Variants in CELF2 observed in about 807,000 individuals in gnomAD.
The protein encoded by CELF2 is CUGBP Elav-like family member 2, also known as CUG triplet repeat RNA-binding protein 2.
Under a neutral mutation model 62.6 loss-of-function variants are expected in CELF2, and 8 were observed. The observed-to-expected ratio is 0.13, with a 90% CI of 0.07 to 0.23. The LOEUF is 0.23. Ranked by LOEUF, CELF2 falls within the 10% of genes least tolerant of loss-of-function variation. The pLI, the probability that CELF2 is intolerant of heterozygous loss-of-function variation, is 1.00. For missense variants in CELF2, 333 were observed against 671.0 expected (o/e 0.50, Z 5.56); for synonymous variants, 258 against 250.0 (o/e 1.03, Z -0.30).
At chr10:10,885,879 C>T (rs1307659380) in intron 1 of CELF2, among the ~76,000 whole-genome samples, 6 of 152,146 alleles carry the variant, frequency 3.9e-5, no homozygotes, top group Admixed American at 2.0e-4. Flanking sequence ...CTCCTATGAC[C>T]CTCATTCTCC....
At chr10:10,813,019 C>T (rs1231358151) in intron 1 of CELF2, among the ~76,000 whole-genome samples, 25 of 152,196 alleles carry the variant, frequency 1.6e-4, no homozygotes, top group Admixed American at 1.6e-3. Context: ...CATCGGATCC[C>T]GAATCCCACC....
chr10:10,588,897 TC>T, the CELF2 span, among the ~76,000 whole-genome samples: 1 of 152,184 alleles, frequency 6.6e-6, no homozygotes, highest in South Asian at 2.1e-4. Context: ...GTTTAAACTC[TC>T]CTTGATGTTT....
At position 11,270,775 on chromosome 10, in the gene CELF2, C is replaced by G. The variant is rs1326922848; in HGVS notation, c.728C>G (p.Thr243Ser). 1 of 1,543,646 alleles carries G rather than the reference C, an allele frequency of 6.5e-7. No homozygotes were observed. Among genetic ancestry groups the G allele is most frequent in the Non-Finnish European group, 8.8e-7 (1 of 1,139,968 alleles). Residue 243 changes from threonine to serine, a missense_variant, in exon 7 of 13, where the codon ACC becomes AGC. By Grantham distance (58) the Thr-to-Ser change is moderately conservative. Transcript: ENST00000633077. The surrounding 1 kb of genome is among the most constrained non-coding windows in gnomAD (Gnocchi z 5.8). ...CAGATGCAGCAGCTCAACACTGCCA[C>G]CTGGGGGAACCTGACAGGGCTGGGC... ...AQQMQQLNTA[T>S]WGNLTGLGGL...
At chr10:10,920,153 T>G (rs924937069) in intron 2 of CELF2, among the ~76,000 whole-genome samples, 1 of 152,256 alleles carries the variant, frequency 6.6e-6, no homozygotes, top group Non-Finnish European at 1.5e-5. Context: ...CCAAAAATTA[T>G]GCATGCGTCA....
chr10:10,815,808 G>A (rs2056404694), intron 1 of CELF2, among the ~76,000 whole-genome samples: 1 of 151,804 alleles, frequency 6.6e-6, no homozygotes, highest in South Asian at 2.1e-4. Flanking sequence ...GTTAGATGGG[G>A]AACAGAGCTA....
chr10:11,259,196 C>T lies in CELF2; in HGVS notation c.538+1324C>T, dbSNP rs2079707191. On this transcript the variant is annotated intron_variant, in intron 5 of 12. Coordinates refer to ENST00000633077, the MANE Select transcript of CELF2 (RefSeq NM_001326342.2). ...GAGGATGAAAGCACTCGTCTTCACC[C>T]TTCTCACTAGTTTGACCTGACTTCA... 2.0e-5 allele frequency among the ~76,000 whole-genome samples: 3 copies of T among 152,236 alleles called. No homozygotes were observed. In the South Asian group the frequency reaches 6.2e-4, roughly 31 times the overall value.
At chr10:11,232,163 C>A (rs1212524186) in intron 3 of CELF2, among the ~76,000 whole-genome samples, 1 of 151,780 alleles carries the variant, frequency 6.6e-6, no homozygotes, top group Non-Finnish European at 1.5e-5. Context: ...CCACAACAGG[C>A]CCCGGTGTGT....
the CELF2 span, among the ~76,000 whole-genome samples, chr10:10,718,842 C>G: frequency 6.6e-6 from 1 of 152,028 alleles, no homozygotes; most frequent in Non-Finnish European, 1.5e-5. Flanking sequence ...ATTCTCTATA[C>G]CAATTCCCCA....
chr10:10,947,193 C>T lies in CELF2; in HGVS notation c.89+27194C>T, dbSNP rs1481824378. 2 of 152,262 alleles carry T rather than the reference C, an allele frequency of 1.3e-5. No homozygotes were observed. Among genetic ancestry groups the T allele is most frequent in the African/African-American group, 2.4e-5 (1 of 41,456 alleles). The allele number at this position is 152,262 out of a possible 1,614,324, so 9.4% of individuals were successfully genotyped here. A position where few individuals can be genotyped will look rare whatever the true frequency, so the allele number is the denominator to read the frequency against. The stretch of plus-strand genomic sequence containing the variant: ...AAGTGCACAGGCTCGCTTTCAAACA[C>T]AAAAGCTCAGCACACACTTACTCTA... On this transcript the variant is annotated intron_variant, in intron 2 of 13. Transcript: ENST00000636488. The surrounding 1 kb of genome is among the most constrained non-coding windows in gnomAD (Gnocchi z 4.1).
rs1010771880 is a variant in CELF2 at position 11,267,618 on chromosome 10, CA to C, written c.618+947del. Among the ~76,000 whole-genome samples, 10 of 152,098 alleles carry C rather than the reference CA, an allele frequency of 6.6e-5. No individual in the cohort carries two copies. The highest frequency in any genetic ancestry group is 2.4e-4 in the African/African-American group (10 of 41,414). The stretch of plus-strand genomic sequence containing the variant: ...GATATTTTCAATTTTATTTAATATG[CA>C]AAAAACTTTTTTCTTGATTGAGCTT... On this transcript the variant is annotated intron_variant, in intron 6 of 12. Transcript: ENST00000633077. This position sits in a 1 kb window ranked among gnomAD's most constrained non-coding sequence, Gnocchi z 4.4.
chr10:11,167,526 T>C (rs1179591957), intron 2 of CELF2, among the ~76,000 whole-genome samples: 8 of 152,242 alleles, frequency 5.3e-5, no homozygotes, highest in Non-Finnish European at 8.8e-5. Flanking sequence ...GTATCTTACC[T>C]TGGCCAAAAA....
the CELF2 span, among the ~76,000 whole-genome samples, chr10:10,542,322 G>A: frequency 5.9e-5 from 9 of 152,092 alleles, no homozygotes; most frequent in Admixed American, 5.9e-4. Context: ...AGTTAGCATG[G>A]TTCTGGAGCC....
chr10:11,196,051 G>T (rs1303236347), intron 2 of CELF2, among the ~76,000 whole-genome samples: 1 of 151,700 alleles, frequency 6.6e-6, no homozygotes, highest in African/African-American at 2.4e-5. Context: ...AAAAAAACTG[G>T]TCCCTTGAGA....
At chr10:11,278,987 C>T (rs979432496) in intron 8 of CELF2, among the ~76,000 whole-genome samples, 2 of 152,178 alleles carry the variant, frequency 1.3e-5, no homozygotes, top group African/African-American at 4.8e-5. Context: ...GTCTCAGCCC[C>T]TTGAGGTGTG....
intron 2 of CELF2, among the ~76,000 whole-genome samples, chr10:11,187,789 GT>G (rs58205470): frequency 0.51 from 76,998 of 151,950 alleles, 21,116 homozygotes; most frequent in East Asian, 0.84. Context: ...TGCTGTTGCT[GT>G]TTTTACATTT....
At chr10:10,863,957 G>A (rs148308889) in intron 1 of CELF2, among the ~76,000 whole-genome samples, 137 of 152,170 alleles carry the variant, frequency 9.0e-4, no homozygotes, top group African/African-American at 3.1e-3. Context: ...TGTCCCTTAC[G>A]CTTCTTTGAT....
intron 9 of CELF2, among the ~76,000 whole-genome samples, chr10:11,301,010 T>TTA (rs2093665235): frequency 6.6e-6 from 1 of 152,020 alleles, no homozygotes; most frequent in Non-Finnish European, 1.5e-5. Flanking sequence ...GGGAGTAGGG[T>TTA]TAATATGAGA....
At chr10:10,650,155 A>T in the CELF2 span, among the ~76,000 whole-genome samples, 1 of 152,196 alleles carries the variant, frequency 6.6e-6, no homozygotes, top group Non-Finnish European at 1.5e-5. Context: ...CCTTCGTAGT[A>T]TTTCATTACA....
chr10:10,977,536 G>A (rs2051492265), intron 2 of CELF2, among the ~76,000 whole-genome samples: 1 of 152,168 alleles, frequency 6.6e-6, no homozygotes, highest in Non-Finnish European at 1.5e-5. Context: ...CTTTCCTGGT[G>A]TGAAATGTAC....
Sources: gnomAD v4.1 joint callset for allele counts (sites outside exome capture counted in the v4.1 genomes callset) on GRCh38, gnomAD v4.1.1 for gene constraint, Gnocchi (gnomAD v3.1) non-coding constraint, MANE v1.5 for transcripts, NCBI Gene and HGNC (gene_info 2026-07-23, HGNC 2026-07-21) for gene names.